The following NLN variants were observed in gnomAD, a reference collection of about 807,000 sequenced individuals.
The protein encoded by NLN is neurolysin, mitochondrial.
A neutral mutation model predicts 79.9 loss-of-function variants in NLN; 64 were observed. That is an observed-to-expected ratio of 0.80 (90% CI 0.65 to 0.99). The LOEUF (loss-of-function observed/expected upper bound fraction) is 0.99, where lower values mean the gene tolerates loss of function less well. Ranked by LOEUF, NLN falls within the 50% of genes least tolerant of loss-of-function variation. NLN has a pLI of 0.00. For synonymous variants in NLN, 267 were observed against 296.6 expected (o/e 0.90, Z 1.02); for missense variants, 835 against 858.7 (o/e 0.97, Z 0.34).
rs1471481845 is a variant in NLN at position 65,733,251 on chromosome 5, G to A, written c.41+10837G>A. 2.8e-5 allele frequency: 43 copies of A among 1,519,912 alleles called. 6 individuals are homozygous for A. Among genetic ancestry groups the A allele is most frequent in the Non-Finnish European group, 3.9e-5 (43 of 1,109,728 alleles). 94.2% of individuals were successfully genotyped at this position (1,519,912 alleles called of 1,614,324 possible). A position where few individuals can be genotyped will look rare whatever the true frequency, so the allele number is the denominator to read the frequency against. On this transcript the variant is annotated intron_variant, in intron 1 of 12. Transcript: ENST00000380985. ...GTGGACCACCAATCTTGAGCCCCTT[G>A]GAGCTCTGCTAGAGAAAGTTGCTGC... is the stretch of plus-strand genomic sequence containing the variant.
intron 7 of NLN, among the ~76,000 whole-genome samples, chr5:65,787,182 T>C (rs1443576336): frequency 2.6e-5 from 4 of 151,880 alleles, no homozygotes; most frequent in East Asian, 3.9e-4. Context: ...AATCTGAGAG[T>C]TGGAGTCCAG....
chr5:65,814,007 C>T (rs1378090831), intron 12 of NLN, among the ~76,000 whole-genome samples: 2 of 152,004 alleles, frequency 1.3e-5, no homozygotes, highest in African/African-American at 4.8e-5. Flanking sequence ...TTTCTCCTGT[C>T]TCAGAGGAGA....
Position 65,810,026 on chromosome 5 carries a change from T to TA in NLN, c.1715-10dup. ...TCTTCAAAACATGCCCAAACATTCT[T>TA]ATGTTATTAGGTCTTCTGACCCTGC... On this transcript the variant is annotated splice_polypyrimidine_tract_variant and intron_variant, in intron 10 of 12. Coordinates refer to ENST00000380985, the MANE Select transcript of NLN (RefSeq NM_020726.5). 1.2e-6 allele frequency: 2 copies of TA among 1,613,064 alleles called. No individual in the cohort carries two copies. Among genetic ancestry groups the TA allele is most frequent in the African/African-American group, 1.3e-5 (1 of 75,054 alleles).
chr5:65,735,287 A>T (rs894211465), intron 1 of NLN, among the ~76,000 whole-genome samples: 2 of 152,206 alleles, frequency 1.3e-5, no homozygotes, highest in African/African-American at 4.8e-5. Flanking sequence ...TAAGTTACCC[A>T]GTCTTGGGCA....
chr5:65,727,224 G>A (rs1232367790), intron 1 of NLN, among the ~76,000 whole-genome samples: 2 of 152,148 alleles, frequency 1.3e-5, no homozygotes, highest in African/African-American at 2.4e-5. Flanking sequence ...GAAGTGCAGT[G>A]GGGCATGATC....
At chr5:65,754,347 G>A (rs534753938) in intron 1 of NLN, among the ~76,000 whole-genome samples, 8 of 152,294 alleles carry the variant, frequency 5.3e-5, no homozygotes, top group Non-Finnish European at 5.9e-5. Flanking sequence ...CACTTAGTGG[G>A]AATGAGACCC....
At chr5:65,727,314 C>T (rs968109194) in intron 1 of NLN, among the ~76,000 whole-genome samples, 3 of 152,060 alleles carry the variant, frequency 2.0e-5, no homozygotes, top group African/African-American at 7.2e-5. Flanking sequence ...ACTACAGGCG[C>T]TCACCACCAT....
At chr5:65,815,272 G>T (rs1355643325) in intron 12 of NLN, among the ~76,000 whole-genome samples, 1 of 152,112 alleles carries the variant, frequency 6.6e-6, no homozygotes, top group Non-Finnish European at 1.5e-5. Context: ...CCAAATTACT[G>T]ATCCCTGTGG....
Position 65,749,157 on chromosome 5 carries a change from T to C in NLN, c.42-9410T>C, listed in dbSNP as rs550384561. ...AACTGTGAGTCCGTTATACCTCTTT[T>C]TCCTTATAAATTATCCAGTCTTGGG... On this transcript the variant is annotated intron_variant, in intron 1 of 12. Coordinates refer to ENST00000380985, the MANE Select transcript of NLN (RefSeq NM_020726.5). 2.6e-5 allele frequency among the ~76,000 whole-genome samples: 4 copies of C among 152,354 alleles called. No individual in the cohort carries two copies. The South Asian group carries it at 8.3e-4, about 32-fold the overall frequency.
At chr5:65,732,007 T>G (rs946068374) in intron 1 of NLN, among the ~76,000 whole-genome samples, 3 of 152,096 alleles carry the variant, frequency 2.0e-5, no homozygotes, top group Non-Finnish European at 4.4e-5. Flanking sequence ...CACCTCAGCC[T>G]CCCAAAGTGC....
At chr5:65,741,406 A>C (rs534904711) in intron 1 of NLN, among the ~76,000 whole-genome samples, 2 of 152,184 alleles carry the variant, frequency 1.3e-5, no homozygotes, top group African/African-American at 4.8e-5. Context: ...ACACGTAAAA[A>C]TAATTAACAC....
chr5:65,762,702 CA>C (rs35035106), intron 2 of NLN, among the ~76,000 whole-genome samples: 90 of 140,946 alleles, frequency 6.4e-4, no homozygotes, highest in East Asian at 1.0e-3. Context: ...GACCCTGTCT[CA>C]AAAAAAAAAA....
intron 9 of NLN, among the ~76,000 whole-genome samples, chr5:65,796,089 A>G (rs1401102711): frequency 6.6e-6 from 1 of 152,182 alleles, no homozygotes; most frequent in Non-Finnish European, 1.5e-5. Flanking sequence ...ACCATAATGA[A>G]TCTCAAGTTA....
intron 3 of NLN, among the ~76,000 whole-genome samples, chr5:65,770,392 G>A (rs1203411272): frequency 1.3e-5 from 2 of 152,094 alleles, no homozygotes; most frequent in African/African-American, 4.8e-5. Flanking sequence ...CAACAGAAAC[G>A]CACATAGCAA....
At chr5:65,803,679 C>A (rs181710810) in intron 9 of NLN, among the ~76,000 whole-genome samples, 9 of 152,126 alleles carry the variant, frequency 5.9e-5, no homozygotes, top group Admixed American at 5.2e-4. Flanking sequence ...GCAGCTGTGC[C>A]CAGGAGGGTA....
chr5:65,813,243 A>G (rs1579971144), intron 12 of NLN, among the ~76,000 whole-genome samples: 1 of 152,142 alleles, frequency 6.6e-6, no homozygotes, highest in Admixed American at 6.5e-5. Context: ...AGGTACCCAT[A>G]CTTCATTATT....
At chr5:65,722,509 G>A in intron 1 of NLN, 95 bp downstream of exon 1, 1 of 1,172,416 alleles carries the variant, frequency 8.5e-7, no homozygotes, top group Non-Finnish European at 1.2e-6. Flanking sequence ...TCCCGACCGC[G>A]CCTCTCCGAC....
intron 3 of NLN, among the ~76,000 whole-genome samples, chr5:65,766,112 T>C (rs931145211): frequency 3.3e-5 from 5 of 152,166 alleles, no homozygotes; most frequent in Admixed American, 3.3e-4. Flanking sequence ...AGTTCTGACT[T>C]GGGGTCTGAC....
chr5:65,748,745 C>T (rs552963272), intron 1 of NLN, among the ~76,000 whole-genome samples: 1 of 151,978 alleles, frequency 6.6e-6, no homozygotes, highest in Non-Finnish European at 1.5e-5. Context: ...AGAACGAGAC[C>T]CTGTCCCAAA....
Sources: allele counts gnomAD v4.1 joint callset (sites outside exome capture counted in the v4.1 genomes callset), GRCh38; gene constraint gnomAD v4.1.1; transcripts MANE v1.5; gene names NCBI Gene and HGNC (gene_info 2026-07-23, HGNC 2026-07-21).